The following HS6ST3 variants were observed in gnomAD, a reference collection of about 807,000 sequenced individuals.
HS6ST3 encodes the protein heparan sulfate 6-O-sulfotransferase 3, also known as heparan-sulfate 6-O-sulfotransferase 3.
Under a neutral mutation model 36.7 loss-of-function variants are expected in HS6ST3, and 12 were observed. That is an observed-to-expected ratio of 0.33 (90% CI 0.21 to 0.53). The LOEUF (loss-of-function observed/expected upper bound fraction) is 0.53, where lower values mean the gene tolerates loss of function less well. Ranked by LOEUF, HS6ST3 falls within the 20% of genes least tolerant of loss-of-function variation. The probability of loss-of-function intolerance (pLI) is 0.95; values close to 1 mark genes in which losing one functional copy is unlikely to be tolerated. For synonymous variants in HS6ST3, 240 were observed against 257.5 expected, an observed-to-expected ratio of 0.93 and a Z score of 0.65; for missense variants, 584 against 640.9, an observed-to-expected ratio of 0.91 and a Z score of 0.96.
At chr13:96,620,254 G>GT (rs2056489305) in intron 1 of HS6ST3, among the ~76,000 whole-genome samples, 1 of 152,072 alleles carries the variant, frequency 6.6e-6, no homozygotes, top group Non-Finnish European at 1.5e-5. Flanking sequence ...CACTTTGATG[G>GT]TTTTCTATTA....
At chr13:96,448,483 C>T (rs2055710209) in intron 1 of HS6ST3, among the ~76,000 whole-genome samples, 2 of 152,186 alleles carry the variant, frequency 1.3e-5, no homozygotes, top group South Asian at 4.1e-4. Flanking sequence ...GTCCTCATTT[C>T]TCACTGCTCT....
intron 1 of HS6ST3, among the ~76,000 whole-genome samples, chr13:96,238,108 C>T (rs1400489824): frequency 6.6e-6 from 1 of 152,182 alleles, no homozygotes; most frequent in Admixed American, 6.5e-5. Flanking sequence ...CTCTCTCAGT[C>T]TTCCTTATCT....
intron 1 of HS6ST3, among the ~76,000 whole-genome samples, chr13:96,793,706 C>A (rs1877845030): frequency 6.6e-6 from 1 of 152,092 alleles, no homozygotes; most frequent in African/African-American, 2.4e-5. Flanking sequence ...ATTTAAACAA[C>A]CATCATTAGA....
intron 1 of HS6ST3, among the ~76,000 whole-genome samples, chr13:96,312,878 G>C (rs956722636): frequency 6.6e-6 from 1 of 150,782 alleles, no homozygotes; most frequent in East Asian, 1.9e-4. Flanking sequence ...CTTGAACTTG[G>C]GGGGCGGAGG....
intron 1 of HS6ST3, among the ~76,000 whole-genome samples, chr13:96,609,202 C>T (rs1429910212): frequency 1.3e-5 from 2 of 152,070 alleles, no homozygotes; most frequent in African/African-American, 4.8e-5. Flanking sequence ...GATCTCCTGA[C>T]CTCATGATCC....
chr13:96,213,047 G>T (rs1413068183), intron 1 of HS6ST3, among the ~76,000 whole-genome samples: 1 of 152,102 alleles, frequency 6.6e-6, no homozygotes, highest in African/African-American at 2.4e-5. Flanking sequence ...ACTTATTTTT[G>T]GTTTGACTTA....
At chr13:96,528,751 A>G (rs570334878) in intron 1 of HS6ST3, among the ~76,000 whole-genome samples, 1 of 152,316 alleles carries the variant, frequency 6.6e-6, no homozygotes, top group East Asian at 1.9e-4. Context: ...CAATTATCTG[A>G]AAATACTACT....
chr13:96,211,933 G>A (rs2054401089), intron 1 of HS6ST3, among the ~76,000 whole-genome samples: 1 of 152,198 alleles, frequency 6.6e-6, no homozygotes, highest in Non-Finnish European at 1.5e-5. Flanking sequence ...GAAAGTTACA[G>A]AAAGGATAGG....
chr13:96,406,845 A>G (rs1400576791), intron 1 of HS6ST3, among the ~76,000 whole-genome samples: 1 of 152,216 alleles, frequency 6.6e-6, no homozygotes, highest in Non-Finnish European at 1.5e-5. Context: ...GTGTCAGACA[A>G]AAATGTATAG....
chr13:96,245,518 G>A (rs2054580657), intron 1 of HS6ST3, among the ~76,000 whole-genome samples: 2 of 152,062 alleles, frequency 1.3e-5, no homozygotes, highest in Admixed American at 1.3e-4. Flanking sequence ...TATAGATGTT[G>A]AGACCTGAGG....
chr13:96,600,002 A>G (rs2056415664), intron 1 of HS6ST3, among the ~76,000 whole-genome samples: 1 of 152,004 alleles, frequency 6.6e-6, no homozygotes, highest in Admixed American at 6.6e-5. Flanking sequence ...AAGATACTTG[A>G]TATAATTTTG....
chr13:96,135,179 C>T (rs944327911), intron 1 of HS6ST3, among the ~76,000 whole-genome samples: 5 of 151,930 alleles, frequency 3.3e-5, no homozygotes, highest in African/African-American at 1.2e-4. Context: ...TGAGTTGGAC[C>T]TGCCACCCTT....
At chr13:96,607,271 C>T (rs895143702) in intron 1 of HS6ST3, among the ~76,000 whole-genome samples, 2 of 152,128 alleles carry the variant, frequency 1.3e-5, no homozygotes, top group African/African-American at 2.4e-5. Flanking sequence ...AGCATCAATG[C>T]TTTATACCAA....
At chr13:96,220,029 C>T (rs2054447767) in intron 1 of HS6ST3, among the ~76,000 whole-genome samples, 1 of 152,160 alleles carries the variant, frequency 6.6e-6, no homozygotes. Context: ...TTCATTCGCT[C>T]GTTCATTCAT....
intron 1 of HS6ST3, among the ~76,000 whole-genome samples, chr13:96,356,578 C>A (rs949824199): frequency 6.6e-6 from 1 of 152,136 alleles, no homozygotes; most frequent in South Asian, 2.1e-4. Flanking sequence ...ATGAATCATT[C>A]TTTCTTAGCA....
chr13:96,218,583 G>A (rs2054439068), intron 1 of HS6ST3, among the ~76,000 whole-genome samples: 1 of 152,128 alleles, frequency 6.6e-6, no homozygotes, highest in African/African-American at 2.4e-5. Context: ...AAACATTAGG[G>A]CCATATTTAA....
At chr13:96,407,761 A>C (rs1215174470) in intron 1 of HS6ST3, among the ~76,000 whole-genome samples, 1 of 152,214 alleles carries the variant, frequency 6.6e-6, no homozygotes, top group Non-Finnish European at 1.5e-5. Flanking sequence ...AAATTTGAGA[A>C]TAATTTTAAG....
At chr13:96,197,515 T>C (rs1177163455) in intron 1 of HS6ST3, among the ~76,000 whole-genome samples, 2 of 152,192 alleles carry the variant, frequency 1.3e-5, no homozygotes, top group Non-Finnish European at 2.9e-5. Flanking sequence ...CAATCATGCC[T>C]TCCCAACAGT....
chr13:96,813,909 A>C (rs375477658), intron 1 of HS6ST3, among the ~76,000 whole-genome samples: 23 of 152,362 alleles, frequency 1.5e-4, no homozygotes, highest in East Asian at 7.7e-4. Context: ...TTTGCATCAC[A>C]GATGGTTGTA....
Sources: allele counts gnomAD v4.1 joint callset (sites outside exome capture counted in the v4.1 genomes callset), GRCh38; gene constraint gnomAD v4.1.1; transcripts MANE v1.5; gene names NCBI Gene and HGNC (gene_info 2026-07-23, HGNC 2026-07-21).